AGBL4: variants seen among roughly 807,000 people sequenced by gnomAD.
The protein encoded by AGBL4 is AGBL carboxypeptidase 4.
In AGBL4, 58 loss-of-function variants were observed where a neutral mutation model predicts 66.4. The observed-to-expected ratio is 0.87, with a 90% CI of 0.71 to 1.09. AGBL4 has a LOEUF of 1.09. Among genes scored for constraint, AGBL4 ranks in the 50% least tolerant of loss-of-function variants. AGBL4 has a pLI of 0.00. For missense variants in AGBL4, 579 were observed against 631.0 expected (o/e 0.92, Z 0.88); for synonymous variants, 234 against 222.9 (o/e 1.05, Z -0.44).
chr1:49,929,232 T>C (rs1305926912), intron 1 of AGBL4, among the ~76,000 whole-genome samples: 7 of 151,820 alleles, frequency 4.6e-5, no homozygotes, highest in African/African-American at 1.7e-4. Flanking sequence ...GGGTGACAGG[T>C]TCAATTGTAC....
At position 49,041,659 on chromosome 1, in the gene AGBL4, C is replaced by T. The variant is rs55726670; in HGVS notation, c.594+3925G>A. Among the ~76,000 whole-genome samples, 389 of 152,194 alleles carry T rather than the reference C, an allele frequency of 2.6e-3. 2 individuals are homozygous for T. The highest frequency in any genetic ancestry group is 4.2e-3 in the Non-Finnish European group (289 of 68,004). ...TTACCCCCAAACTGGGACAGTTCTG[C>T]CTACTCTACAAAACTATTGTGAGAA... is the stretch of plus-strand genomic sequence containing the variant. On this transcript the variant is annotated intron_variant, in intron 5 of 13. Coordinates refer to ENST00000371839, the MANE Select transcript of AGBL4 (RefSeq NM_032785.4).
intron 5 of AGBL4, 32 bp downstream of exon 5, chr1:49,045,552 A>C: frequency 6.3e-7 from 1 of 1,587,242 alleles, no homozygotes; most frequent in South Asian, 1.1e-5. Context: ...CCTGTTTCCA[A>C]ATGAGTAACC....
chr1:49,613,496 C>T (rs1645193998), intron 3 of AGBL4, among the ~76,000 whole-genome samples: 1 of 152,156 alleles, frequency 6.6e-6, no homozygotes. Flanking sequence ...TTTACAGCTA[C>T]TCACTATCAC....
chr1:49,202,594 C>G (rs1318017269), intron 4 of AGBL4, among the ~76,000 whole-genome samples: 1 of 152,038 alleles, frequency 6.6e-6, no homozygotes, highest in African/African-American at 2.4e-5. Context: ...GGAACCTTAT[C>G]TTAAAACAAA....
intron 3 of AGBL4, among the ~76,000 whole-genome samples, chr1:49,490,063 C>T (rs374473877): frequency 1.3e-5 from 2 of 151,942 alleles, no homozygotes; most frequent in Non-Finnish European, 2.9e-5. Context: ...TAAAACCTCA[C>T]GTGTAATGTC....
At chr1:49,255,043 T>G (rs1478611901) in intron 3 of AGBL4, among the ~76,000 whole-genome samples, 3 of 151,980 alleles carry the variant, frequency 2.0e-5, no homozygotes, top group Admixed American at 2.0e-4. Context: ...AATGTAAAAC[T>G]GAGAACTATA....
At chr1:48,990,082 G>A (rs1660492044) in intron 5 of AGBL4, among the ~76,000 whole-genome samples, 1 of 152,122 alleles carries the variant, frequency 6.6e-6, no homozygotes, top group South Asian at 2.1e-4. Flanking sequence ...TTCTAGCGGG[G>A]GTGAGATGAT....
In AGBL4 at chr1:48,795,984, C is replaced by G. The variant is rs372914027; in HGVS notation, c.634+71207G>C. ...TATGCAATTTGATCATGTGTAGATG[C>G]ATGTGACTACCATCACCATCAAGAT... On this transcript the variant is annotated intron_variant, in intron 6 of 13. Transcript: ENST00000371839. 9.9e-5 allele frequency among the ~76,000 whole-genome samples: 15 copies of G among 152,024 alleles called. No individual in the cohort carries two copies. The South Asian group carries it at 2.9e-3, about 29-fold the overall frequency.
At chr1:48,944,352 T>C (rs1656274605) in intron 5 of AGBL4, among the ~76,000 whole-genome samples, 1 of 152,182 alleles carries the variant, frequency 6.6e-6, no homozygotes, top group African/African-American at 2.4e-5. Flanking sequence ...ATTATACTGA[T>C]TGATTCGCTC....
chr1:49,703,366 G>T (rs572725289), intron 2 of AGBL4, among the ~76,000 whole-genome samples: 93 of 151,688 alleles, frequency 6.1e-4, no homozygotes, highest in African/African-American at 1.8e-3. Context: ...GTTAACAAAA[G>T]AAATGCCAAT....
At chr1:49,317,306 T>G (rs1445201635) in intron 3 of AGBL4, among the ~76,000 whole-genome samples, 2 of 151,934 alleles carry the variant, frequency 1.3e-5, no homozygotes, top group Non-Finnish European at 2.9e-5. Context: ...CCTCGAGCTA[T>G]TTACTTTGCC....
chr1:49,752,288 T>C (rs1651537123), intron 2 of AGBL4, among the ~76,000 whole-genome samples: 1 of 152,218 alleles, frequency 6.6e-6, no homozygotes, highest in South Asian at 2.1e-4. Context: ...TTGTTCTTAC[T>C]GGTTTCAAAT....
intron 5 of AGBL4, among the ~76,000 whole-genome samples, chr1:49,008,090 T>A (rs1324080935): frequency 1.3e-5 from 2 of 152,004 alleles, no homozygotes; most frequent in Non-Finnish European, 2.9e-5. Context: ...GCAAATTGGA[T>A]AAAGAGTCAA....
At chr1:48,719,625 T>G (rs1647111814) in intron 6 of AGBL4, among the ~76,000 whole-genome samples, 1 of 152,222 alleles carries the variant, frequency 6.6e-6, no homozygotes, top group South Asian at 2.1e-4. Flanking sequence ...CCAGCTTCAC[T>G]TTCATACCTT....
At chr1:49,682,065 T>C (rs1646705621) in intron 3 of AGBL4, among the ~76,000 whole-genome samples, 1 of 152,146 alleles carries the variant, frequency 6.6e-6, no homozygotes, top group Non-Finnish European at 1.5e-5. Flanking sequence ...AATTAAGAAT[T>C]TAATGTAATT....
At chr1:48,694,323 A>T (rs1193825410) in intron 6 of AGBL4, among the ~76,000 whole-genome samples, 1 of 152,186 alleles carries the variant, frequency 6.6e-6, no homozygotes, top group Non-Finnish European at 1.5e-5. Flanking sequence ...ACAATGTTTT[A>T]AAAAAAGCAT....
At chr1:48,660,006 A>C (rs1387442279) in intron 7 of AGBL4, among the ~76,000 whole-genome samples, 1 of 152,232 alleles carries the variant, frequency 6.6e-6, no homozygotes, top group East Asian at 1.9e-4. Context: ...ACATTGCAGT[A>C]AGGGGAGGAG....
intron 11 of AGBL4, among the ~76,000 whole-genome samples, chr1:48,571,937 G>A (rs1213501505): frequency 2.0e-5 from 3 of 152,168 alleles, no homozygotes; most frequent in Non-Finnish European, 2.9e-5. Flanking sequence ...CTCTCTTGGG[G>A]AGGCAGAAGT....
intron 1 of AGBL4, among the ~76,000 whole-genome samples, chr1:49,886,538 A>G (rs1034521923): frequency 1.3e-5 from 2 of 152,166 alleles, no homozygotes; most frequent in African/African-American, 4.8e-5. Context: ...TTGGGGCTCA[A>G]AGCCCAGAGT....
Sources: allele counts gnomAD v4.1 joint callset (sites outside exome capture counted in the v4.1 genomes callset), GRCh38; gene constraint gnomAD v4.1.1; transcripts MANE v1.5; gene names NCBI Gene and HGNC (gene_info 2026-07-23, HGNC 2026-07-21).